DLL1: variants seen among roughly 807,000 people sequenced by gnomAD.
DLL1 encodes the protein delta like canonical Notch ligand 1.
DLL1 carries 9 observed loss-of-function variants against 75.1 expected under a neutral mutation model. That is an observed-to-expected ratio of 0.12 (90% confidence interval 0.07 to 0.21). The LOEUF (loss-of-function observed/expected upper bound fraction) is 0.21. Ranked by LOEUF, DLL1 falls within the 10% of genes least tolerant of loss-of-function variation. The pLI is 1.00. For synonymous variants in DLL1, 477 were observed against 418.3 expected (o/e 1.14, Z -1.71); for missense variants, 837 against 1,007.6 (o/e 0.83, Z 2.29).
Position 170,288,739 on chromosome 6 carries a change from G to A in DLL1, c.402C>T (p.Asp134=), listed in dbSNP as rs1308850992. Residue 134 remains aspartate, a synonymous_variant, in exon 3 of 11, where the codon GAC becomes GAT. Coordinates refer to ENST00000366756, the MANE Select transcript of DLL1 (RefSeq NM_005618.4). ...GGGTTTTGTTTTTACCTGTTGCGAGGTCATCAGGAGAATCTGTGTGGAGAG... is the reference window on the plus strand; with the variant it reads ...GGGTTTTGTTTTTACCTGTTGCGAGATCATCAGGAGAATCTGTGTGGAGAG... The part of the protein sequence containing the change: ...IEALHTDSPD[D]LATENPERLI... 5 of 1,614,060 alleles carry A rather than the reference G, an allele frequency of 3.1e-6. No homozygotes were observed. The highest frequency in any genetic ancestry group is 1.7e-5 in the Admixed American group (1 of 60,006).
rs369678725 is a variant in DLL1, at chr6:170,284,038, C to G, written c.1250-9G>C. On this transcript the variant is annotated splice_polypyrimidine_tract_variant and intron_variant, in intron 8 of 10. Transcript: ENST00000366756. Reference sequence around the variant, plus strand: ...GTCCACACACTTGGCACCTGGAACACAGGGACATGAACATCACGTGTCTCC... The same window carrying G: ...GTCCACACACTTGGCACCTGGAACAGAGGGACATGAACATCACGTGTCTCC... 1,954 of 1,560,992 alleles carry G rather than the reference C, an allele frequency of 1.3e-3. 11 individuals carry two copies. The highest frequency in any genetic ancestry group is 9.3e-4 in the Non-Finnish European group (1,085 of 1,161,356).
rs557316153 is a variant in DLL1 at position 170,283,518 on chromosome 6, C to T, written c.1761G>A (p.Thr587=). ...AGTTGGCCAGGTTGTTCATGGTCTC[C>T]GTCTCCCCCCGGCAGGGGTCGGCTG... ...RPPADPCRGE[T]ETMNNLANCQ... is the part of the protein sequence containing the mutation. Residue 587 remains threonine, a synonymous_variant, in exon 9 of 11, where the codon ACG becomes ACA. Transcript: ENST00000366756. The T allele has an allele frequency of 2.5e-5, 41 of 1,613,656 alleles. No individual in the cohort carries two copies. The East Asian group carries it at 3.8e-4, about 15-fold the overall frequency.
rs920318952 is a variant in DLL1, at chr6:170,290,408, G to T, written c.-269C>A. Reference sequence around the variant, plus strand: ...AGCTCTCGGGGGACAGCGCGGCGGCGGCGACTTTCGTTTTCCTCCTTCCTC... The same window carrying T: ...AGCTCTCGGGGGACAGCGCGGCGGCTGCGACTTTCGTTTTCCTCCTTCCTC... On this transcript the variant is annotated 5_prime_UTR_variant, in exon 1 of 11. Coordinates refer to ENST00000366756, the MANE Select transcript of DLL1 (RefSeq NM_005618.4). This position sits in a 1 kb window ranked among gnomAD's most constrained non-coding sequence, Gnocchi z 4.7. 7 of 413,032 alleles carry T rather than the reference G, an allele frequency of 1.7e-5. No individual in the cohort carries two copies. Among genetic ancestry groups the T allele is most frequent in the African/African-American group, 1.5e-4 (7 of 47,962 alleles). 25.6% of individuals were successfully genotyped at this position (413,032 alleles called of 1,614,324 possible).
Position 170,290,437 on chromosome 6 carries a change from GC to G in DLL1, c.-299del. On this transcript the variant is annotated 5_prime_UTR_variant, in exon 1 of 11. Coordinates refer to ENST00000366756, the MANE Select transcript of DLL1 (RefSeq NM_005618.4). The surrounding 1 kb of genome is among the most constrained non-coding windows in gnomAD (Gnocchi z 4.7). ...ACTTTCGTTTTCCTCCTTCCTCCCAGCCCCCGAGGAGGTGAGGGTCGCCGGC... is the reference window on the plus strand; with the variant it reads ...ACTTTCGTTTTCCTCCTTCCTCCCAGCCCCGAGGAGGTGAGGGTCGCCGGC... The G allele has an allele frequency of 2.6e-6, 1 of 389,732 alleles. No individual in the cohort carries two copies. The highest frequency in any genetic ancestry group is 4.6e-6 in the Non-Finnish European group (1 of 219,724). 24.1% of individuals were successfully genotyped at this position (389,732 alleles called of 1,614,324 possible). A position where few individuals can be genotyped will look rare whatever the true frequency, so the allele number is the denominator to read the frequency against.
chr6:170,283,390 T>C lies in DLL1; in HGVS notation c.1889A>G (p.Asn630Ser). The change falls in exon 9 of 11, where the codon AAT becomes AGT. Residue 630 changes from asparagine (N) to serine (S), a missense_variant. Coordinates refer to ENST00000366756, the MANE Select transcript of DLL1 (RefSeq NM_005618.4). ...DFHGDHSADK[N>S]GFKARYPAVD... ...CGCTGGGTAGCGGGCCTTGAAGCCA[T>C]TCTTGTCGGCGCTGTGGTCCCCGTG... 1 of 1,611,490 alleles carries C rather than the reference T, an allele frequency of 6.2e-7. No individual in the cohort carries two copies. Among genetic ancestry groups the C allele is most frequent in the East Asian group, 2.2e-5 (1 of 44,846 alleles).
At chr6:170,289,997 C>T (rs1783816953) in intron 1 of DLL1, 89 bp downstream of exon 1, 2 of 1,353,654 alleles carry the variant, frequency 1.5e-6, no homozygotes, top group Non-Finnish European at 1.9e-6. Context: ...GCCCGTGCCG[C>T]TGTCCGCCCC....
intron 2 of DLL1, chr6:170,289,248 C>T (rs1783787224): frequency 7.3e-6 from 5 of 682,700 alleles, no homozygotes; most frequent in South Asian, 1.5e-5. Context: ...GCACAGAGGC[C>T]GGATACGGAA....
Position 170,282,694 on chromosome 6 carries a change from C to G in DLL1, c.*180G>C. 1 of 1,006,348 alleles carries G rather than the reference C, an allele frequency of 9.9e-7. No homozygotes were observed. The highest frequency in any genetic ancestry group is 1.4e-5 in the South Asian group (1 of 72,560). The allele number at this position is 1,006,348 out of a possible 1,614,324, so 62.3% of individuals were successfully genotyped here. Reference sequence around the variant, plus strand: ...AAGGCAGTGCCGCAGGCGGCCGGGCCGCGACAGGCTGTCGGCAGGCGTCGA... The same window carrying G: ...AAGGCAGTGCCGCAGGCGGCCGGGCGGCGACAGGCTGTCGGCAGGCGTCGA... On this transcript the variant is annotated 3_prime_UTR_variant, in exon 11 of 11. Coordinates refer to ENST00000366756, the MANE Select transcript of DLL1 (RefSeq NM_005618.4).
At chr6:170,285,804 G>C (rs1783684726) in intron 5 of DLL1, 105 bp from the exon 6 acceptor site, 14 of 1,520,008 alleles carry the variant, frequency 9.2e-6, no homozygotes, top group Non-Finnish European at 1.2e-5. Flanking sequence ...TGAGCCTCTG[G>C]TTCTCCAGAT....
intron 4 of DLL1, among the ~76,000 whole-genome samples, chr6:170,287,846 T>G (rs746364559): frequency 6.6e-6 from 1 of 152,168 alleles, no homozygotes; most frequent in Non-Finnish European, 1.5e-5. Flanking sequence ...GTTCCAGCAC[T>G]GGGAACTCGG....
rs985677316 is a variant in DLL1, at chr6:170,285,087, T to G, written c.1081A>C (p.Lys361Gln). 3 of 1,614,016 alleles carry G rather than the reference T, an allele frequency of 1.9e-6. No homozygotes were observed. In the African/African-American group the frequency reaches 4.0e-5, roughly 22 times the overall value. ...SCTCPPGFYG[K>Q]ICELSAMTCA... ...GTCATGGCACTCAATTCACAGATTT[T>G]GCCGTAGAAGCCGGGTGGGCAGGTA... The change falls in exon 8 of 11, where the codon AAA (lysine) becomes CAA (glutamine). Residue 361 changes from lysine to glutamine, a missense_variant. Physicochemically the swap from Lys to Gln is moderately conservative, Grantham distance 53. This residue lies in a region of DLL1 where 533 missense variants were observed against 545.7 expected (regional missense o/e 0.98). Transcript: ENST00000366756.
Position 170,283,060 on chromosome 6 carries a change from A to G in DLL1, c.2094T>C (p.Thr698=). The part of the protein sequence containing the change: ...ERKRPDSGCS[T]SKDTKYQSVY... ...CCGACTGGTACTTGGTGTCTTTTGA[A>G]GTTGAACAGCCCGAGTCCGGCCTTT... is the stretch of plus-strand genomic sequence containing the variant. Residue 698 remains threonine, a synonymous_variant, in exon 10 of 11, where the codon ACT becomes ACC. Coordinates refer to ENST00000366756, the MANE Select transcript of DLL1 (RefSeq NM_005618.4). 1 of 1,614,086 alleles carries G rather than the reference A, an allele frequency of 6.2e-7. No individual in the cohort carries two copies. The highest frequency in any genetic ancestry group is 1.1e-5 in the South Asian group (1 of 91,086).
chr6:170,282,954 C>G (rs200432216), intron 10 of DLL1, 34 bp downstream of exon 10: 1 of 1,614,062 alleles, frequency 6.2e-7, no homozygotes, highest in Non-Finnish European at 8.5e-7. Flanking sequence ...GCTCCCATGC[C>G]GAGGAGGAGG....
At position 170,289,731 on chromosome 6, in the gene DLL1, G is replaced by A. The variant is rs1407805359; in HGVS notation, c.132C>T (p.Cys44=). The change falls in exon 2 of 11, where the codon TGC becomes TGT. Residue 44 remains cysteine, a synonymous_variant. Coordinates refer to ENST00000366756, the MANE Select transcript of DLL1 (RefSeq NM_005618.4). ...GCGGTGGCCCCGCGCCCCCGCGGCA[G>A]CAGTTGCGGTTCCCCAGCAGCCCCT... ...NKKGLLGNRN[C]CRGGAGPPPC... 2.0e-5 allele frequency: 31 copies of A among 1,550,616 alleles called. No individual in the cohort carries two copies. Among genetic ancestry groups the A allele is most frequent in the Non-Finnish European group, 2.5e-5 (29 of 1,147,226 alleles).
At position 170,283,071 on chromosome 6, in the gene DLL1, C is replaced by T; in HGVS notation, c.2083G>A (p.Gly695Ser). ...TTGGTGTCTTTTGAAGTTGAACAGCCCGAGTCCGGCCTTTTTCTTTCAGAT... is the reference window on the plus strand; with the variant it reads ...TTGGTGTCTTTTGAAGTTGAACAGCTCGAGTCCGGCCTTTTTCTTTCAGAT... ...EASERKRPDSGCSTSKDTKYQ... is the reference protein window; with the variant it reads ...EASERKRPDSSCSTSKDTKYQ... Residue 695 changes from glycine to serine, a missense_variant, in exon 10 of 11, where the codon GGC becomes AGC. Gly to Ser is a moderately conservative substitution (Grantham distance 56). Coordinates refer to ENST00000366756, the MANE Select transcript of DLL1 (RefSeq NM_005618.4). 1 of 1,614,118 alleles carries T rather than the reference C, an allele frequency of 6.2e-7. No homozygotes were observed. Among genetic ancestry groups the T allele is most frequent in the African/African-American group, 1.3e-5 (1 of 75,052 alleles).
At chr6:170,284,286 T>C (rs1283166749) in intron 8 of DLL1, among the ~76,000 whole-genome samples, 1 of 152,158 alleles carries the variant, frequency 6.6e-6, no homozygotes, top group African/African-American at 2.4e-5. Flanking sequence ...GGTGGCTGCA[T>C]TAGTCGCCAC....
Position 170,282,658 on chromosome 6 carries a change from C to T in DLL1, c.*216G>A, listed in dbSNP as rs1030551805. 2.2e-5 allele frequency: 15 copies of T among 676,792 alleles called. No homozygotes were observed. The highest frequency in any genetic ancestry group is 3.6e-5 in the African/African-American group (2 of 55,996). The allele number at this position is 676,792 out of a possible 1,614,324, so 41.9% of individuals were successfully genotyped here. A position where few individuals can be genotyped will look rare whatever the true frequency, so the allele number is the denominator to read the frequency against. On this transcript the variant is annotated 3_prime_UTR_variant, in exon 11 of 11. Transcript: ENST00000366756. ...AGAGCAACTGTCCATAGTGCAACGGCGACGTCACGGAAGGCAGTGCCGCAG... is the reference window on the plus strand; with the variant it reads ...AGAGCAACTGTCCATAGTGCAACGGTGACGTCACGGAAGGCAGTGCCGCAG...
At chr6:170,287,306 G>C (rs1783725559) in intron 4 of DLL1, among the ~76,000 whole-genome samples, 1 of 152,150 alleles carries the variant, frequency 6.6e-6, no homozygotes, top group African/African-American at 2.4e-5. Flanking sequence ...GCCTCCCAGA[G>C]CCCCTCTCCA....
intron 2 of DLL1, 90 bp downstream of exon 2, chr6:170,289,422 C>G: frequency 4.6e-6 from 7 of 1,507,986 alleles, no homozygotes; most frequent in Non-Finnish European, 6.2e-6. Flanking sequence ...CCCGAGGTCC[C>G]GCCACCGAGC....
Sources: allele counts gnomAD v4.1 joint callset (sites outside exome capture counted in the v4.1 genomes callset), GRCh38; gene constraint gnomAD v4.1.1; regional missense constraint gnomAD v4.1.1; non-coding constraint Gnocchi (gnomAD v3.1); transcripts MANE v1.5; gene names NCBI Gene and HGNC (gene_info 2026-07-23, HGNC 2026-07-21).